Variants in ERICH1 observed in about 807,000 individuals in gnomAD.
ERICH1 encodes the protein glutamate rich 1, also known as glutamate-rich protein 1.
In ERICH1, 56 loss-of-function variants were observed where a neutral mutation model predicts 39.6. The ratio of observed to expected loss-of-function variants is 1.41; its 90% CI spans 1.14 to 1.77. The LOEUF is 1.77. ERICH1 is among the 40% of genes most tolerant of loss of function. The probability of loss-of-function intolerance (pLI) is 0.00; values close to 1 mark genes in which losing one functional copy is unlikely to be tolerated. For missense variants in ERICH1, 826 were observed against 575.4 expected, an observed-to-expected ratio of 1.44 and a Z score of -4.45; for synonymous variants, 313 against 223.6, an observed-to-expected ratio of 1.40 and a Z score of -3.57.
At chr8:618,633 T>C (rs773579350) in intron 3 of ERICH1, among the ~76,000 whole-genome samples, 1 of 152,118 alleles carries the variant, frequency 6.6e-6, no homozygotes, top group African/African-American at 2.4e-5. Context: ...GTGAAATGGG[T>C]GTGACTGAAA....
At chr8:693,321 A>T (rs1313536564) in intron 2 of ERICH1, among the ~76,000 whole-genome samples, 2 of 152,262 alleles carry the variant, frequency 1.3e-5, no homozygotes, top group East Asian at 3.8e-4. Context: ...CATATAAGTT[A>T]TACATTTGTA....
chr8:617,295 C>A (rs974717407), intron 3 of ERICH1, among the ~76,000 whole-genome samples: 3 of 152,146 alleles, frequency 2.0e-5, no homozygotes, highest in East Asian at 3.9e-4. Flanking sequence ...TGGTTCAGGG[C>A]AGCTCAGAGG....
chr8:648,782 G>C (rs1379133114), intron 3 of ERICH1, among the ~76,000 whole-genome samples: 1 of 69,416 alleles, frequency 1.4e-5, no homozygotes, highest in African/African-American at 3.6e-5. Flanking sequence ...TTTGTATTTT[G>C]ATGACTGGGT....
downstream of ERICH1, among the ~76,000 whole-genome samples, chr8:663,060 A>G (rs1801667017): frequency 6.6e-6 from 1 of 152,234 alleles, no homozygotes; most frequent in Non-Finnish European, 1.5e-5. Flanking sequence ...CCTGTGCTCC[A>G]GGGCCTACAA....
At chr8:715,787 T>A in intron 2 of ERICH1, 74 bp downstream of exon 2, 1 of 1,535,200 alleles carries the variant, frequency 6.5e-7, no homozygotes, top group Non-Finnish European at 8.8e-7. Context: ...AAAGACACAT[T>A]CTCCAAGGCA....
intron 1 of ERICH1, among the ~76,000 whole-genome samples, chr8:728,837 A>C (rs1018690642): frequency 1.4e-4 from 21 of 152,330 alleles, no homozygotes; most frequent in African/African-American, 4.8e-4. Flanking sequence ...TCTTCTCATT[A>C]ATCCTGCAGA....
chr8:693,904 G>A (rs752494709), intron 2 of ERICH1, among the ~76,000 whole-genome samples: 4 of 152,220 alleles, frequency 2.6e-5, no homozygotes, highest in Non-Finnish European at 5.9e-5. Flanking sequence ...GCTTTTGCCC[G>A]CTTTTCATGC....
At position 636,092 on chromosome 8, in the gene ERICH1, T is replaced by C. The variant is rs949308796; in HGVS notation, c.977-20808A>G. Among the ~76,000 whole-genome samples, 3 of 152,340 alleles carry C rather than the reference T, an allele frequency of 2.0e-5. No individual in the cohort carries two copies. In the South Asian group the frequency reaches 6.2e-4, roughly 32 times the overall value. ...GAGGCAAAAGCTGGGATCCTGTTAA[T>C]AGCATTCTCTGTGGAAAACACTCAG... is the stretch of plus-strand genomic sequence containing the variant. On this transcript the variant is annotated intron_variant, in intron 3 of 3. Transcript: ENST00000522706.
chr8:663,531 G>GGGACAGGCA (rs1248128624), downstream of ERICH1, among the ~76,000 whole-genome samples: 9 of 151,314 alleles, frequency 5.9e-5, no homozygotes, highest in Non-Finnish European at 5.9e-5. Context: ...CGGGACAGGC[G>GGGACAGGCA]GGACAGGCAG....
chr8:616,401 C>T lies in ERICH1; in HGVS notation c.977-1117G>A, dbSNP rs184588741. On this transcript the variant is annotated intron_variant, in intron 3 of 3. Coordinates refer to the ERICH1 transcript ENST00000522706. ...GCCGTCCAGAGAGAAACTCCTGCCA[C>T]GTGTGTGAGGCTGACCGAACCCCGC... 667 of 378,846 alleles carry T rather than the reference C, an allele frequency of 1.8e-3. 5 individuals are homozygous for T. Among genetic ancestry groups the T allele is most frequent in the African/African-American group, 0.013 (614 of 47,522 alleles). The allele number at this position is 378,846 out of a possible 1,614,324, so 23.5% of individuals were successfully genotyped here. A position where few individuals can be genotyped will look rare whatever the true frequency, so the allele number is the denominator to read the frequency against.
chr8:632,521 G>C (rs1798107743), intron 3 of ERICH1, among the ~76,000 whole-genome samples: 1 of 152,134 alleles, frequency 6.6e-6, no homozygotes, highest in South Asian at 2.1e-4. Flanking sequence ...TATGAACATT[G>C]TTTTGGGGAC....
intron 4 of ERICH1, chr8:669,074 C>T (rs987503458): frequency 7.1e-6 from 3 of 420,040 alleles, no homozygotes; most frequent in Non-Finnish European, 1.3e-5. Flanking sequence ...TCCCCTGGCC[C>T]GTCTACACCT....
At chr8:636,606 A>G (rs1232999691) in intron 3 of ERICH1, among the ~76,000 whole-genome samples, 1 of 152,254 alleles carries the variant, frequency 6.6e-6, no homozygotes, top group Non-Finnish European at 1.5e-5. Flanking sequence ...CCAAACCCTC[A>G]GCACTGTCCC....
chr8:656,738 T>C, intron 3 of ERICH1: 24 of 985,266 alleles, frequency 2.4e-5, no homozygotes, highest in Non-Finnish European at 2.9e-5. Context: ...GAAGAACATT[T>C]CTACAAGGGG....
intron 3 of ERICH1, chr8:691,152 C>T (rs1016859374): frequency 1.1e-5 from 1 of 90,628 alleles, no homozygotes; most frequent in Non-Finnish European, 2.3e-5. Flanking sequence ...GCTTTGCTGT[C>T]TTTTTCCCAA....
At chr8:726,099 G>A (rs983015707) in intron 1 of ERICH1, among the ~76,000 whole-genome samples, 1 of 152,094 alleles carries the variant, frequency 6.6e-6, no homozygotes, top group African/African-American at 2.4e-5. Flanking sequence ...AATGAAAGTC[G>A]GCCCCAACAG....
chr8:617,353 G>C (rs1359161900), intron 3 of ERICH1, among the ~76,000 whole-genome samples: 1 of 152,140 alleles, frequency 6.6e-6, no homozygotes, highest in Non-Finnish European at 1.5e-5. Flanking sequence ...TATCCCCTTT[G>C]CTCATGGCTC....
intron 2 of ERICH1, among the ~76,000 whole-genome samples, chr8:698,120 A>G (rs939543060): frequency 2.5e-4 from 38 of 152,138 alleles, no homozygotes; most frequent in Admixed American, 2.4e-3. Flanking sequence ...GGGGTTGTGG[A>G]TCTGAGTCAA....
At chr8:698,069 G>A (rs1172680702) in intron 2 of ERICH1, among the ~76,000 whole-genome samples, 1 of 152,124 alleles carries the variant, frequency 6.6e-6, no homozygotes, top group Non-Finnish European at 1.5e-5. Flanking sequence ...AGAGGAGGAG[G>A]TGGAGGCATG....
Sources: allele counts gnomAD v4.1 joint callset (sites outside exome capture counted in the v4.1 genomes callset), GRCh38; gene constraint gnomAD v4.1.1; transcripts MANE v1.5; gene names NCBI Gene and HGNC (gene_info 2026-07-23, HGNC 2026-07-21).